Variants in CACNA1C observed in about 807,000 individuals in gnomAD.
CACNA1C encodes calcium voltage-gated channel subunit alpha1 C.
A neutral mutation model predicts 229.0 loss-of-function variants in CACNA1C; 30 were observed. The observed-to-expected ratio is 0.13, with a 90% CI of 0.10 to 0.18. CACNA1C has a LOEUF of 0.18. Among genes scored for constraint, CACNA1C ranks in the 10% least tolerant of loss-of-function variants. The pLI is 1.00. For synonymous variants in CACNA1C, 1,114 were observed against 1,132.5 expected, an observed-to-expected ratio of 0.98 and a Z score of 0.33; for missense variants, 1,658 against 2,845.0, an observed-to-expected ratio of 0.58 and a Z score of 9.49.
intron 9 of CACNA1C, among the ~76,000 whole-genome samples, chr12:2,530,847 A>G (rs983002467): frequency 5.3e-5 from 8 of 152,228 alleles, no homozygotes; most frequent in Non-Finnish European, 1.2e-4. Context: ...TGAGAAGCTG[A>G]TGGCCCCAGA....
chr12:2,458,981 CT>C (rs71057826), intron 5 of CACNA1C, among the ~76,000 whole-genome samples: 22,833 of 105,116 alleles, frequency 0.22, 1,142 homozygotes, highest in East Asian at 0.47. Context: ...CTTTTTCTTT[CT>C]TTTTTTTTTT....
At chr12:2,594,193 G>C (rs1296177187) in intron 19 of CACNA1C, among the ~76,000 whole-genome samples, 1 of 152,124 alleles carries the variant, frequency 6.6e-6, no homozygotes, top group Non-Finnish European at 1.5e-5. Flanking sequence ...CATTTGTCTT[G>C]CTTAGAATAC....
chr12:2,362,046 A>G (rs1447258671), intron 3 of CACNA1C, among the ~76,000 whole-genome samples: 1 of 152,194 alleles, frequency 6.6e-6, no homozygotes, highest in Non-Finnish European at 1.5e-5. Context: ...GGCATTAGAC[A>G]TCGTATGTAT....
intron 3 of CACNA1C, among the ~76,000 whole-genome samples, chr12:2,365,833 C>T (rs2097705871): frequency 1.3e-5 from 2 of 152,148 alleles, no homozygotes; most frequent in South Asian, 4.1e-4. Flanking sequence ...AAGTGGAATT[C>T]CTACCAGTGG....
chr12:2,649,650 C>T lies in CACNA1C; in HGVS notation c.3945+1143C>T, dbSNP rs755357531. On this transcript the variant is annotated intron_variant, in intron 31 of 46. Transcript: ENST00000399655. The surrounding 1 kb of genome is among the most constrained non-coding windows in gnomAD (Gnocchi z 4.4). ...GCTCTGAACAGTGGAATGGAATTCA[C>T]GCTGCAAGCTTGGTGTTTGGCGTTT... Among the ~76,000 whole-genome samples the T allele has an allele frequency of 2.7e-4, 41 of 152,204 alleles. No homozygotes were observed. The highest frequency in any genetic ancestry group is 7.7e-4 in the East Asian group (4 of 5,172).
intron 5 of CACNA1C, among the ~76,000 whole-genome samples, chr12:2,469,337 A>C (rs2099577898): frequency 6.6e-6 from 1 of 152,206 alleles, no homozygotes; most frequent in Non-Finnish European, 1.5e-5. Context: ...ACTATCTGCC[A>C]GGCATCGAGC....
chr12:2,280,208 G>T (rs34533182), intron 3 of CACNA1C, among the ~76,000 whole-genome samples: 3,286 of 63,978 alleles, frequency 0.051, 52 homozygotes, highest in Middle Eastern at 0.13. Context: ...AACCTCTTGA[G>T]ACCTTGCTGT....
chr12:2,037,757 G>A (rs1013745162), intron 1 of CACNA1C, among the ~76,000 whole-genome samples: 6 of 152,206 alleles, frequency 3.9e-5, no homozygotes, highest in African/African-American at 1.4e-4. Context: ...TCAGAGCATG[G>A]TCTGGGGTAG....
intron 30 of CACNA1C, among the ~76,000 whole-genome samples, chr12:2,642,574 C>T (rs2093841940): frequency 6.6e-6 from 1 of 152,156 alleles, no homozygotes; most frequent in Non-Finnish European, 1.5e-5. Context: ...TGTTGATGCC[C>T]ACTTACTCTC....
At chr12:2,438,119 GGTA>G (rs1384813987) in intron 3 of CACNA1C, among the ~76,000 whole-genome samples, 1 of 150,586 alleles carries the variant, frequency 6.6e-6, no homozygotes, top group Non-Finnish European at 1.5e-5. Context: ...TGATAGTAGA[GGTA>G]GTAGTAGGGA....
intron 9 of CACNA1C, among the ~76,000 whole-genome samples, chr12:2,525,526 C>T (rs2099817119): frequency 6.6e-6 from 1 of 152,184 alleles, no homozygotes; most frequent in Non-Finnish European, 1.5e-5. Flanking sequence ...GGATCCCTGC[C>T]ATGACCCTCT....
rs990281625 is a variant in CACNA1C, at chr12:2,512,732, C to G, written c.1218-80C>G. 1 of 1,074,842 alleles carries G rather than the reference C, an allele frequency of 9.3e-7. No individual in the cohort carries two copies. The highest frequency in any genetic ancestry group is 1.6e-5 in the African/African-American group (1 of 62,572). 66.6% of individuals were successfully genotyped at this position (1,074,842 alleles called of 1,614,324 possible). On this transcript the variant is annotated intron_variant, in intron 8 of 46. Transcript: ENST00000399655. This position sits in a 1 kb window ranked among gnomAD's most constrained non-coding sequence, Gnocchi z 4.3. ...CTCTTGTTTCTCCTTATCTCCATCTCTCCTTCCATCCTCGACCCTTCTCGG... is the reference window on the plus strand; with the variant it reads ...CTCTTGTTTCTCCTTATCTCCATCTGTCCTTCCATCCTCGACCCTTCTCGG...
intron 3 of CACNA1C, among the ~76,000 whole-genome samples, chr12:2,343,321 T>C (rs1381713495): frequency 1.3e-5 from 2 of 152,230 alleles, no homozygotes; most frequent in African/African-American, 2.4e-5. Context: ...CTCTCTCTAT[T>C]TGGCTGTTCA....
At chr12:2,492,783 A>G (rs1226821004) in intron 6 of CACNA1C, among the ~76,000 whole-genome samples, 3 of 152,190 alleles carry the variant, frequency 2.0e-5, no homozygotes, top group African/African-American at 4.8e-5. Context: ...GAACTCTACC[A>G]CCAGAAAAAG....
rs759153380 is a variant in CACNA1C at position 2,645,689 on chromosome 12, A to G, written c.3913-2786A>G. On this transcript the variant is annotated intron_variant, in intron 30 of 46. Coordinates refer to ENST00000399655, the MANE Select transcript of CACNA1C (RefSeq NM_000719.7). ...GGGGCTGTGGCTTAGGCTGCTTCCT[A>G]TTGTTACCATGTAGAAATCACTCAG... Among the ~76,000 whole-genome samples the G allele has an allele frequency of 4.7e-4, 72 of 152,222 alleles. 1 individual carries two copies. The highest frequency in any genetic ancestry group is 9.7e-4 in the Non-Finnish European group (66 of 68,008).
At chr12:2,288,081 A>G (rs986773846) in intron 3 of CACNA1C, 2 of 151,918 alleles carry the variant, frequency 1.3e-5, no homozygotes, top group African/African-American at 4.8e-5. Context: ...CAACTGAATC[A>G]TCAAAGGGAA....
rs182121098 is a variant in CACNA1C at position 2,585,253 on chromosome 12, G to A, written c.2340-123G>A. On this transcript the variant is annotated intron_variant, in intron 16 of 46. Coordinates refer to ENST00000399655, the MANE Select transcript of CACNA1C (RefSeq NM_000719.7). This position sits in a 1 kb window ranked among gnomAD's most constrained non-coding sequence, Gnocchi z 4.1. ...AGAAGCGTCCTGGAGAAAGGAAGAT[G>A]GACTCAGACCCAGGGGATCTGTCCC... 1.7e-5 allele frequency: 15 copies of A among 881,658 alleles called. No homozygotes were observed. In the East Asian group the frequency reaches 2.8e-4, roughly 17 times the overall value. 54.6% of individuals were successfully genotyped at this position (881,658 alleles called of 1,614,324 possible).
rs529626541 is a variant in CACNA1C, at chr12:2,595,148, A to C, written c.2664-726A>C. Among the ~76,000 whole-genome samples, 2 of 152,286 alleles carry C rather than the reference A, an allele frequency of 1.3e-5. No homozygotes were observed. The highest frequency in any genetic ancestry group is 6.5e-5 in the Admixed American group (1 of 15,296). ...GAGGGCTTCTCAGAGCATTTAGTCA[A>C]CCATAATGCCAGGAGCAGAAGTCTG... On this transcript the variant is annotated intron_variant, in intron 19 of 46. Coordinates refer to ENST00000399655, the MANE Select transcript of CACNA1C (RefSeq NM_000719.7). This position sits in a 1 kb window ranked among gnomAD's most constrained non-coding sequence, Gnocchi z 4.1.
chr12:2,094,450 G>A (rs981608907), intron 1 of CACNA1C, among the ~76,000 whole-genome samples: 3 of 152,182 alleles, frequency 2.0e-5, no homozygotes, highest in Non-Finnish European at 4.4e-5. Flanking sequence ...GGAGGTGGGC[G>A]AGCAGGGGCC....
Sources: allele counts gnomAD v4.1 joint callset (sites outside exome capture counted in the v4.1 genomes callset), GRCh38; gene constraint gnomAD v4.1.1; non-coding constraint Gnocchi (gnomAD v3.1); transcripts MANE v1.5; gene names NCBI Gene and HGNC (gene_info 2026-07-23, HGNC 2026-07-21).